BTBD2: variants seen among roughly 807,000 people sequenced by gnomAD.
BTBD2 encodes BTB/POZ domain-containing protein 2.
Under a neutral mutation model 44.0 loss-of-function variants are expected in BTBD2, and 15 were observed. The observed-to-expected ratio is 0.34, with a 90% CI of 0.23 to 0.53. The LOEUF (loss-of-function observed/expected upper bound fraction) is 0.53, where lower values mean the gene tolerates loss of function less well. Among genes scored for constraint, BTBD2 ranks in the 20% least tolerant of loss-of-function variants. The pLI, the probability that BTBD2 is intolerant of heterozygous loss-of-function variation, is 0.95. For synonymous variants in BTBD2, 443 were observed against 335.9 expected, an observed-to-expected ratio of 1.32 and a Z score of -3.49; for missense variants, 657 against 746.4, an observed-to-expected ratio of 0.88 and a Z score of 1.39.
In BTBD2 at chr19:2,015,640, T is replaced by A. The variant is rs2016526622; in HGVS notation, c.64A>T (p.Thr22Ser). ...GCGCTGGGCCCGGGACTGCCCCCCGTGCCCGGGCCGACCCCGACCCCCGGC... is the reference window on the plus strand; with the variant it reads ...GCGCTGGGCCCGGGACTGCCCCCCGAGCCCGGGCCGACCCCGACCCCCGGC... ...CPPGVGVGPG[T>S]GGSPGPSANA... is the part of the protein sequence containing the mutation. The change falls in exon 1 of 9, where the codon ACG (threonine) becomes TCG (serine). Residue 22 changes from threonine to serine, a missense_variant. Thr to Ser is a moderately conservative substitution (Grantham distance 58). This residue lies in a region of BTBD2 where 191 missense variants were observed against 188.5 expected (regional missense o/e 1.01). Transcript: ENST00000255608. 3 of 971,982 alleles carry A rather than the reference T, an allele frequency of 3.1e-6. No homozygotes were observed. Among genetic ancestry groups the A allele is most frequent in the Non-Finnish European group, 3.6e-6 (3 of 828,630 alleles). 60.2% of individuals were successfully genotyped at this position (971,982 alleles called of 1,614,324 possible).
intron 1 of BTBD2, among the ~76,000 whole-genome samples, chr19:2,012,368 T>G (rs2016477381): frequency 6.6e-6 from 1 of 151,188 alleles, no homozygotes; most frequent in South Asian, 2.1e-4. Flanking sequence ...ACCAGGCTGG[T>G]CTCGATCTCC....
intron 5 of BTBD2, chr19:1,989,708 G>T: frequency 2.3e-6 from 1 of 443,708 alleles, no homozygotes; most frequent in Non-Finnish European, 4.2e-6. Context: ...GCACCAGCAG[G>T]TAGCACAAGG....
At chr19:1,999,491 C>T (rs1373284879) in intron 1 of BTBD2, among the ~76,000 whole-genome samples, 3 of 152,106 alleles carry the variant, frequency 2.0e-5, no homozygotes, top group Admixed American at 1.3e-4. Flanking sequence ...CATAGTGAGA[C>T]CCCATCTCTA....
chr19:1,986,590 G>A lies in BTBD2; in HGVS notation c.1476C>T (p.Thr492=), dbSNP rs781443709. The A allele has an allele frequency of 1.9e-6, 3 of 1,613,996 alleles. No individual in the cohort carries two copies. The highest frequency in any genetic ancestry group is 3.3e-5 in the Admixed American group (2 of 60,022). ...GLRKVTHESP[T]TGAKTCFTFC... ...AGGTGAAGCAGGTCTTGGCGCCCGTGGTGGGCGACTCGTGTGTCACCTTGC... is the reference window on the plus strand; with the variant it reads ...AGGTGAAGCAGGTCTTGGCGCCCGTAGTGGGCGACTCGTGTGTCACCTTGC... Residue 492 remains threonine (T), a synonymous_variant, in exon 9 of 9, where the codon ACC becomes ACT. Coordinates refer to ENST00000255608, the MANE Select transcript of BTBD2 (RefSeq NM_017797.4).
rs549450173 is a variant in BTBD2 at position 2,000,682 on chromosome 19, C to G, written c.408-3219G>C. Among the ~76,000 whole-genome samples the G allele has an allele frequency of 2.6e-5, 4 of 152,282 alleles. No individual in the cohort carries two copies. In the South Asian group the frequency reaches 8.3e-4, roughly 32 times the overall value. ...CCCGGCTGTTCCCCCCTTCATGTATCTGTAACCCCTTCCCCTTCCAAACAA... is the reference window on the plus strand; with the variant it reads ...CCCGGCTGTTCCCCCCTTCATGTATGTGTAACCCCTTCCCCTTCCAAACAA... On this transcript the variant is annotated intron_variant, in intron 1 of 8. Transcript: ENST00000255608.
chr19:2,005,707 G>C (rs982863225), intron 1 of BTBD2, among the ~76,000 whole-genome samples: 27 of 151,386 alleles, frequency 1.8e-4, no homozygotes, highest in Non-Finnish European at 2.9e-5. Context: ...GCTTGAACCT[G>C]GGAGGCAGAG....
chr19:2,012,437 C>G (rs371345188), intron 1 of BTBD2, among the ~76,000 whole-genome samples: 2 of 152,074 alleles, frequency 1.3e-5, no homozygotes, highest in Admixed American at 6.6e-5. Flanking sequence ...GGCGTGCGCC[C>G]CCGCACCCGG....
rs550943718 is a variant in BTBD2, at chr19:1,997,560, C to T, written c.408-97G>A. The T allele has an allele frequency of 7.1e-6, 11 of 1,540,124 alleles. No individual in the cohort carries two copies. In the East Asian group the frequency reaches 2.5e-4, roughly 35 times the overall value. ...ATCCTGGGTGACCACCCCACTAGGG[C>T]TCCCTGCCAGCCTCCAGCAGGCATG... On this transcript the variant is annotated intron_variant, in intron 1 of 8. Coordinates refer to ENST00000255608, the MANE Select transcript of BTBD2 (RefSeq NM_017797.4).
intron 2 of BTBD2, among the ~76,000 whole-genome samples, chr19:1,993,395 A>G (rs1284374217): frequency 6.6e-6 from 1 of 151,728 alleles, no homozygotes; most frequent in Admixed American, 6.6e-5. Context: ...TCACCCATGA[A>G]AACGAGCAAG....
chr19:2,011,601 A>G (rs960057267), intron 1 of BTBD2, among the ~76,000 whole-genome samples: 3 of 152,126 alleles, frequency 2.0e-5, no homozygotes, highest in Non-Finnish European at 4.4e-5. Context: ...CCCTCCTGAA[A>G]TGCTAAGGAA....
intron 5 of BTBD2, 74 bp downstream of exon 5, chr19:1,989,930 T>G: frequency 6.5e-7 from 1 of 1,538,298 alleles, no homozygotes; most frequent in East Asian, 2.3e-5. Context: ...TCGGGGGCAC[T>G]ATCCTCGGTA....
intron 1 of BTBD2, among the ~76,000 whole-genome samples, chr19:2,005,449 G>A (rs996647320): frequency 1.9e-4 from 29 of 151,918 alleles, no homozygotes; most frequent in Admixed American, 7.9e-4. Flanking sequence ...CTGAGTATCC[G>A]GGACTAGGGC....
At chr19:1,987,966 G>A (rs538306892) in intron 5 of BTBD2, 2 of 456,188 alleles carry the variant, frequency 4.4e-6, no homozygotes, top group East Asian at 3.9e-5. Context: ...CAGGGGTGAT[G>A]TCTCAGGGTC....
At position 1,995,919 on chromosome 19, in the gene BTBD2, T is replaced by G. The variant is rs543845474; in HGVS notation, c.527+1425A>C. On this transcript the variant is annotated intron_variant, in intron 2 of 8. Coordinates refer to ENST00000255608, the MANE Select transcript of BTBD2 (RefSeq NM_017797.4). ...ATCCGCCCATCTCAGCCTCCCAAAG[T>G]ACTGGGATTACAGGCGTGAGCCACC... 6.6e-5 allele frequency among the ~76,000 whole-genome samples: 10 copies of G among 152,302 alleles called. No individual in the cohort carries two copies. The East Asian group carries it at 1.9e-3, about 29-fold the overall frequency.
At chr19:2,000,903 G>A (rs2016321563) in intron 1 of BTBD2, among the ~76,000 whole-genome samples, 1 of 152,142 alleles carries the variant, frequency 6.6e-6, no homozygotes, top group African/African-American at 2.4e-5. Flanking sequence ...TGAAGACGTC[G>A]TGCTCTATGA....
At chr19:2,010,644 T>A (rs1307485373) in intron 1 of BTBD2, among the ~76,000 whole-genome samples, 2 of 132,792 alleles carry the variant, frequency 1.5e-5, no homozygotes, top group Non-Finnish European at 3.1e-5. Flanking sequence ...TCCCCCCACC[T>A]TTTTTTTTTT....
intron 1 of BTBD2, among the ~76,000 whole-genome samples, chr19:2,000,130 C>G (rs61532523): frequency 0.23 from 34,810 of 152,072 alleles, 4,423 homozygotes; most frequent in African/African-American, 0.33. Context: ...GCGCCGCCCT[C>G]GGACGCCTTG....
At chr19:2,007,275 T>G (rs111675960) in intron 1 of BTBD2, among the ~76,000 whole-genome samples, 2,021 of 152,286 alleles carry the variant, frequency 0.013, 38 homozygotes, top group African/African-American at 0.045. Flanking sequence ...ACAGGTGTAA[T>G]CCACTGCACC....
rs113512929 is a variant in BTBD2 at position 2,011,448 on chromosome 19, C to T, written c.407+3849G>A. 2.0e-3 allele frequency among the ~76,000 whole-genome samples: 306 copies of T among 152,268 alleles called. 2 individuals are homozygous for T. Among genetic ancestry groups the T allele is most frequent in the African/African-American group, 6.7e-3 (280 of 41,560 alleles). On this transcript the variant is annotated intron_variant, in intron 1 of 8. Transcript: ENST00000255608. ...AGGGCCTCCCTCACTCCTCCTGCTC[C>T]GGCCTTGCCATGGCTCCCACCTGCC...
Sources: allele counts gnomAD v4.1 joint callset (sites outside exome capture counted in the v4.1 genomes callset), GRCh38; gene constraint gnomAD v4.1.1; regional missense constraint gnomAD v4.1.1; transcripts MANE v1.5; gene names NCBI Gene and HGNC (gene_info 2026-07-23, HGNC 2026-07-21).